STPG2: variants seen among roughly 807,000 people sequenced by gnomAD.
The protein encoded by STPG2 is sperm tail PG-rich repeat containing 2, also known as sperm-tail PG-rich repeat-containing protein 2.
Under a neutral mutation model 54.2 loss-of-function variants are expected in STPG2, and 56 were observed. The ratio of observed to expected loss-of-function variants is 1.03; its 90% CI spans 0.83 to 1.29. The LOEUF (loss-of-function observed/expected upper bound fraction) is 1.29, where lower values mean the gene tolerates loss of function less well. Among genes scored for constraint, STPG2 ranks in the 50% most tolerant of loss-of-function variants. The pLI is 0.00. For synonymous variants in STPG2, 200 were observed against 181.8 expected, an observed-to-expected ratio of 1.10 and a Z score of -0.81; for missense variants, 596 against 544.9, an observed-to-expected ratio of 1.09 and a Z score of -0.93.
At chr4:97,607,719 G>A (rs1733630289) in intron 10 of STPG2, among the ~76,000 whole-genome samples, 1 of 152,042 alleles carries the variant, frequency 6.6e-6, no homozygotes. Context: ...TGTGTCAGAA[G>A]AGATGGAAAA....
At position 98,035,326 on chromosome 4, in the gene STPG2, CG is replaced by C. The variant is rs1282434784; in HGVS notation, c.613-54009del. On this transcript the variant is annotated intron_variant, in intron 5 of 10. Transcript: ENST00000295268. ...CACTTCTCAAAAGAAGACATTTATG[CG>C]GCCAACAAACATAGGGAAAAAAAGC... 6.6e-5 allele frequency among the ~76,000 whole-genome samples: 10 copies of C among 152,046 alleles called. No individual in the cohort carries two copies. The East Asian group carries it at 1.9e-3, about 29-fold the overall frequency.
chr4:97,457,998 G>A (rs1406539820), intron 4 of STPG2, among the ~76,000 whole-genome samples: 1 of 152,164 alleles, frequency 6.6e-6, no homozygotes, highest in Non-Finnish European at 1.5e-5. Context: ...TCATAACTAT[G>A]CAAAAACATT....
intron 9 of STPG2, among the ~76,000 whole-genome samples, chr4:97,765,185 T>C (rs1426617568): frequency 6.6e-6 from 1 of 152,164 alleles, no homozygotes; most frequent in Admixed American, 6.6e-5. Flanking sequence ...AATCTTGGAC[T>C]GAATAATGCA....
At chr4:98,080,600 G>C (rs572291156) in intron 5 of STPG2, among the ~76,000 whole-genome samples, 1 of 152,164 alleles carries the variant, frequency 6.6e-6, no homozygotes, top group South Asian at 2.1e-4. Context: ...TGTGTAGCAG[G>C]CTATCAACAA....
chr4:97,968,695 A>ATC (rs1257972756), intron 7 of STPG2, among the ~76,000 whole-genome samples: 1 of 152,238 alleles, frequency 6.6e-6, no homozygotes, highest in Non-Finnish European at 1.5e-5. Flanking sequence ...CCACATGATT[A>ATC]TCTCATCAGA....
chr4:97,965,636 G>C (rs905716607), intron 7 of STPG2, among the ~76,000 whole-genome samples: 2 of 152,150 alleles, frequency 1.3e-5, no homozygotes, highest in African/African-American at 4.8e-5. Flanking sequence ...CTGGGACGAA[G>C]CTTCCAGAAA....
At chr4:97,558,669 C>T (rs558912027), downstream of STPG2, among the ~76,000 whole-genome samples, 41 of 152,242 alleles carry the variant, frequency 2.7e-4, 1 homozygote, top group Middle Eastern at 3.4e-3. Context: ...ATCCTTTCCC[C>T]GCCAAACCTC....
chr4:97,473,352 G>A (rs957909202), intron 4 of STPG2, among the ~76,000 whole-genome samples: 5 of 152,058 alleles, frequency 3.3e-5, no homozygotes, highest in African/African-American at 7.2e-5. Context: ...AAGAGAATGC[G>A]CCCCTGAGGG....
At chr4:97,734,862 G>C (rs1347541657) in intron 9 of STPG2, among the ~76,000 whole-genome samples, 1 of 152,032 alleles carries the variant, frequency 6.6e-6, no homozygotes, top group Non-Finnish European at 1.5e-5. Context: ...CACAAGGTCA[G>C]CAGATCGAGA....
At chr4:97,527,608 C>A (rs563253831) in intron 4 of STPG2, among the ~76,000 whole-genome samples, 1 of 152,274 alleles carries the variant, frequency 6.6e-6, no homozygotes, top group East Asian at 1.9e-4. Context: ...AATTTACATT[C>A]CCATCAACAG....
At chr4:98,007,299 G>A (rs974780291) in intron 5 of STPG2, among the ~76,000 whole-genome samples, 5 of 152,122 alleles carry the variant, frequency 3.3e-5, no homozygotes, top group Non-Finnish European at 5.9e-5. Context: ...CTGCTCACCC[G>A]CCTGGTACAC....
chr4:98,114,210 T>C (rs1189562547), intron 3 of STPG2, among the ~76,000 whole-genome samples: 1 of 152,082 alleles, frequency 6.6e-6, no homozygotes, highest in Non-Finnish European at 1.5e-5. Flanking sequence ...CAACCATGGA[T>C]TTTAAAGTAC....
chr4:97,904,072 A>G (rs1256298147), intron 8 of STPG2, among the ~76,000 whole-genome samples: 1 of 152,226 alleles, frequency 6.6e-6, no homozygotes, highest in Admixed American at 6.5e-5. Context: ...AAGCAGCTGG[A>G]AAGCTCGAAC....
intron 8 of STPG2, among the ~76,000 whole-genome samples, chr4:97,904,194 G>A (rs2149190371): frequency 6.6e-6 from 1 of 152,330 alleles, no homozygotes; most frequent in East Asian, 1.9e-4. Flanking sequence ...AGACTTAAAT[G>A]TCCCTGTCTA....
intron 4 of STPG2, among the ~76,000 whole-genome samples, chr4:97,482,260 T>G (rs1002639048): frequency 7.3e-5 from 11 of 151,594 alleles, no homozygotes; most frequent in African/African-American, 2.7e-4. Flanking sequence ...GTTTTGGATC[T>G]ACGTTAAAAA....
At chr4:97,628,984 T>G (rs1301224998) in intron 10 of STPG2, among the ~76,000 whole-genome samples, 1 of 152,060 alleles carries the variant, frequency 6.6e-6, no homozygotes, top group African/African-American at 2.4e-5. Context: ...GAGTATATTT[T>G]GTCTCCAGCT....
chr4:97,853,497 T>C (rs2149133335), intron 8 of STPG2, among the ~76,000 whole-genome samples: 1 of 152,240 alleles, frequency 6.6e-6, no homozygotes, highest in South Asian at 2.1e-4. Flanking sequence ...TCAAATTCAA[T>C]AGCACATTTT....
intron 5 of STPG2, among the ~76,000 whole-genome samples, chr4:98,032,068 G>T (rs1032283653): frequency 6.6e-6 from 1 of 152,118 alleles, no homozygotes; most frequent in African/African-American, 2.4e-5. Context: ...AAAAATAATA[G>T]ATGTTAGCAT....
chr4:98,065,975 TTTTAATAATTTAACATCATTAAA>T (rs1398243552), intron 5 of STPG2, among the ~76,000 whole-genome samples: 2 of 152,002 alleles, frequency 1.3e-5, no homozygotes, highest in Non-Finnish European at 2.9e-5. Flanking sequence ...AAAATACATA[TTTTAATAATTTAACATCATTAAA>T]TTTAATAATT....
Sources: allele counts gnomAD v4.1 joint callset (sites outside exome capture counted in the v4.1 genomes callset), GRCh38; gene constraint gnomAD v4.1.1; transcripts MANE v1.5; gene names NCBI Gene and HGNC (gene_info 2026-07-23, HGNC 2026-07-21).